SPTBN4: variants seen among roughly 807,000 people sequenced by gnomAD.
SPTBN4 encodes spectrin beta, non-erythrocytic 4.
A neutral mutation model predicts 277.8 loss-of-function variants in SPTBN4; 96 were observed. That is an observed-to-expected ratio of 0.35 (90% confidence interval 0.29 to 0.41). The LOEUF (loss-of-function observed/expected upper bound fraction) is 0.41. Among genes scored for constraint, SPTBN4 ranks in the 10% least tolerant of loss-of-function variants. SPTBN4 has a pLI of 1.00. For synonymous variants in SPTBN4, 1,481 were observed against 1,580.3 expected (o/e 0.94, Z 1.49); for missense variants, 3,006 against 3,595.7 (o/e 0.84, Z 4.19).
Position 40,513,018 on chromosome 19 carries a change from C to T in SPTBN4, c.2229C>T (p.Gly743=). 7.0e-7 allele frequency: 1 copy of T among 1,426,538 alleles called. No individual in the cohort carries two copies. The highest frequency in any genetic ancestry group is 9.1e-7 in the Non-Finnish European group (1 of 1,097,230). 88.4% of individuals were successfully genotyped at this position (1,426,538 alleles called of 1,614,324 possible). The change falls in exon 14 of 36, where the codon GGC becomes GGT. Residue 743 remains glycine (G), a synonymous_variant. Transcript: ENST00000598249. ...GPGADTVHLV[G]LAERAASARR... ...GAGCAGACACCGTGCACCTGGTAGG[C>T]CTGGCGGAGCGCGCGGCGAGCGCCC... is the stretch of plus-strand genomic sequence containing the variant.
rs1467778542 is a variant in SPTBN4 at position 40,519,816 on chromosome 19, G to T, written c.3319G>T (p.Ala1107Ser). The change falls in exon 16 of 36, where the codon GCC (alanine) becomes TCC (serine). Residue 1107 changes from alanine (A) to serine (S), a missense_variant. By Grantham distance (99) the Ala-to-Ser change is moderately conservative (BLOSUM62 1). This residue lies in a region of SPTBN4 where 1,759 missense variants were observed against 2,061.5 expected (regional missense o/e 0.85). Transcript: ENST00000598249. The surrounding 1 kb of genome is among the most constrained non-coding windows in gnomAD (Gnocchi z 5.7). ...LDAFLDWLVR[A>S]QEAAGGSEGP... is the part of the protein sequence containing the mutation. ...CGCTTTCCTGGACTGGCTCGTGCGC[G>T]CCCAGGAGGCGGCGGGCGGCAGCGA... is the stretch of plus-strand genomic sequence containing the variant. The T allele has an allele frequency of 1.4e-6, 2 of 1,433,280 alleles. No homozygotes were observed. Among genetic ancestry groups the T allele is most frequent in the African/African-American group, 3.0e-5 (2 of 66,358 alleles). 88.8% of individuals were successfully genotyped at this position (1,433,280 alleles called of 1,614,324 possible).
chr19:40,534,402 T>G, intron 20 of SPTBN4, 59 bp downstream of exon 20: 1 of 1,571,418 alleles, frequency 6.4e-7, no homozygotes, highest in Non-Finnish European at 8.6e-7. Flanking sequence ...CAGGTCAGGG[T>G]CCAACCCCAC....
intron 27 of SPTBN4, among the ~76,000 whole-genome samples, chr19:40,562,301 G>A (rs939548606): frequency 6.6e-6 from 1 of 152,026 alleles, no homozygotes; most frequent in Admixed American, 6.6e-5. Flanking sequence ...AGGCCAAGGC[G>A]GGTGGATCAC....
In SPTBN4 at chr19:40,570,645, G is replaced by T; in HGVS notation, c.7236G>T (p.Pro2412=). The T allele has an allele frequency of 6.6e-7, 1 of 1,513,888 alleles. No homozygotes were observed. Among genetic ancestry groups the T allele is most frequent in the East Asian group, 2.8e-5 (1 of 35,578 alleles). The allele number at this position is 1,513,888 out of a possible 1,614,324, so 93.8% of individuals were successfully genotyped here. A position where few individuals can be genotyped will look rare whatever the true frequency, so the allele number is the denominator to read the frequency against. ...AGGGCGGCTCCGCCCCCGCGCCTCC[G>T]CCACCGCCCACTCACACAGTGCAGC... ...PAQGGSAPAP[P]PPPTHTVQHE... Residue 2412 remains proline (P), a synonymous_variant, in exon 33 of 36, where the codon CCG becomes CCT. Transcript: ENST00000598249.
intron 27 of SPTBN4, among the ~76,000 whole-genome samples, chr19:40,564,174 T>G (rs1331885475): frequency 1.3e-5 from 2 of 150,516 alleles, no homozygotes; most frequent in East Asian, 4.0e-4. Flanking sequence ...GACAAACATG[T>G]TGAAACCCTG....
chr19:40,554,569 C>A lies in SPTBN4; in HGVS notation c.5007C>A (p.Gly1669=), dbSNP rs577842636. Residue 1669 remains glycine, a synonymous_variant, in exon 24 of 36, where the codon GGC becomes GGA. Coordinates refer to ENST00000598249, the MANE Select transcript of SPTBN4 (RefSeq NM_020971.3). This position sits in a 1 kb window ranked among gnomAD's most constrained non-coding sequence, Gnocchi z 5.7. ...AGAAACACCTGCAGCTGGAGCAAGG[C>A]GTGGAGAACTACGAGGAAAGCATCG... ...LLKKHLQLEQ[G]VENYEESIAQ... The A allele has an allele frequency of 7.9e-6, 12 of 1,523,612 alleles. No individual in the cohort carries two copies. Among genetic ancestry groups the A allele is most frequent in the Middle Eastern group, 1.7e-4 (1 of 5,736 alleles). 94.4% of individuals were successfully genotyped at this position (1,523,612 alleles called of 1,614,324 possible). A position where few individuals can be genotyped will look rare whatever the true frequency, so the allele number is the denominator to read the frequency against.
In SPTBN4 at chr19:40,490,054, C is replaced by A; in HGVS notation, c.322-21C>A. 1 of 1,588,136 alleles carries A rather than the reference C, an allele frequency of 6.3e-7. No individual in the cohort carries two copies. Among genetic ancestry groups the A allele is most frequent in the South Asian group, 1.1e-5 (1 of 88,192 alleles). On this transcript the variant is annotated intron_variant, in intron 3 of 35. Coordinates refer to ENST00000598249, the MANE Select transcript of SPTBN4 (RefSeq NM_020971.3). The surrounding 1 kb of genome is among the most constrained non-coding windows in gnomAD (Gnocchi z 4.3). ...CCTGTCTGTCCAGACCCCCGATCGC[C>A]CACCGCCCCTGTCGCCCTAGCCCAG...
At chr19:40,570,367 C>G (rs1240397119) in intron 32 of SPTBN4, 69 bp from the exon 33 acceptor site, 2 of 1,055,002 alleles carry the variant, frequency 1.9e-6, no homozygotes, top group African/African-American at 3.3e-5. Context: ...AGACCCATGA[C>G]TCCCCCAAAC....
Position 40,560,254 on chromosome 19 carries a change from G to A in SPTBN4, c.5766G>A (p.Gln1922=), listed in dbSNP as rs764497796. ...AIASREQEVL[Q]GWKELLSACE... is the part of the protein sequence containing the mutation. Reference sequence around the variant, plus strand: ...CTAGCCGGGAGCAGGAGGTGCTGCAGGGTTGGAAAGAGCTGCTGTCAGCCT... The same window carrying A: ...CTAGCCGGGAGCAGGAGGTGCTGCAAGGTTGGAAAGAGCTGCTGTCAGCCT... Residue 1922 remains glutamine, a synonymous_variant, in exon 27 of 36, where the codon CAG becomes CAA. Transcript: ENST00000598249. The surrounding 1 kb of genome is among the most constrained non-coding windows in gnomAD (Gnocchi z 5.2). 38 of 1,613,428 alleles carry A rather than the reference G, an allele frequency of 2.4e-5. No individual in the cohort carries two copies. Among genetic ancestry groups the A allele is most frequent in the Admixed American group, 3.3e-5 (2 of 60,012 alleles).
chr19:40,493,821 A>G (rs2080164901), intron 5 of SPTBN4, among the ~76,000 whole-genome samples: 1 of 152,204 alleles, frequency 6.6e-6, no homozygotes, highest in South Asian at 2.1e-4. Flanking sequence ...GAAAGAGGTG[A>G]ACTGTCCCCA....
rs2145959816 is a variant in SPTBN4 at position 40,570,539 on chromosome 19, G to C, written c.7130G>C (p.Arg2377Pro). ...CCGGACCGGCCCCGGGCGCGGGACC[G>C]GCCCAAGCCGCGACGGCGGCCGCGG... is the stretch of plus-strand genomic sequence containing the variant. ...PRPDRPRARD[R>P]PKPRRRPRPR... The change falls in exon 33 of 36, where the codon CGG (arginine) becomes CCG (proline). Residue 2377 changes from arginine to proline, a missense_variant. Physicochemically the swap from Arg to Pro is moderately radical, Grantham distance 103 (BLOSUM62 -2). This residue lies in a region of SPTBN4 where 630 missense variants were observed against 677.6 expected (regional missense o/e 0.93). Transcript: ENST00000598249. 7.4e-7 allele frequency: 1 copy of C among 1,359,078 alleles called. No individual in the cohort carries two copies. The highest frequency in any genetic ancestry group is 9.4e-7 in the Non-Finnish European group (1 of 1,061,756). The allele number at this position is 1,359,078 out of a possible 1,614,324, so 84.2% of individuals were successfully genotyped here.
intron 35 of SPTBN4, among the ~76,000 whole-genome samples, chr19:40,572,892 G>A (rs2081168238): frequency 6.6e-6 from 1 of 152,166 alleles, no homozygotes; most frequent in South Asian, 2.1e-4. Flanking sequence ...CTGGAAGGCG[G>A]AGGTTGCAGT....
At chr19:40,531,375 C>T (rs1622104) in intron 18 of SPTBN4, among the ~76,000 whole-genome samples, 1 of 143,384 alleles carries the variant, frequency 7.0e-6, no homozygotes, top group African/African-American at 2.6e-5. Context: ...GGGACATGGG[C>T]TGGGGTTTGG....
At chr19:40,548,813 C>G (rs1002231723) in intron 20 of SPTBN4, among the ~76,000 whole-genome samples, 2 of 152,066 alleles carry the variant, frequency 1.3e-5, no homozygotes, top group Non-Finnish European at 2.9e-5. Flanking sequence ...TTCTCTTGGC[C>G]TTGGTTTCCT....
At chr19:40,497,641 G>A (rs747286769) in intron 7 of SPTBN4, 37 bp downstream of exon 7, 2 of 1,556,832 alleles carry the variant, frequency 1.3e-6, no homozygotes, top group Admixed American at 3.3e-5. Flanking sequence ...ACTTCGTCTT[G>A]GGGGACTCCC....
At position 40,472,854 on chromosome 19, in the gene SPTBN4, C is replaced by T. The variant is rs145324108; in HGVS notation, c.169+64C>T. The stretch of plus-strand genomic sequence containing the variant: ...GGAAGGGGGAAGGGTGCCCGAGAAC[C>T]TTGGTGGCTGGGAGGGTGGGAAAAG... On this transcript the variant is annotated intron_variant, in intron 2 of 35. Coordinates refer to ENST00000598249, the MANE Select transcript of SPTBN4 (RefSeq NM_020971.3). 4.2e-4 allele frequency: 600 copies of T among 1,445,652 alleles called. 8 individuals are homozygous for T. In the East Asian group the frequency reaches 0.014, roughly 34 times the overall value. 89.6% of individuals were successfully genotyped at this position (1,445,652 alleles called of 1,614,324 possible). A position where few individuals can be genotyped will look rare whatever the true frequency, so the allele number is the denominator to read the frequency against.
At chr19:40,553,289 G>A (rs1451074032) in intron 22 of SPTBN4, among the ~76,000 whole-genome samples, 1 of 152,164 alleles carries the variant, frequency 6.6e-6, no homozygotes, top group Non-Finnish European at 1.5e-5. Context: ...AGACCAGCCT[G>A]AGTAACATAG....
intron 20 of SPTBN4, among the ~76,000 whole-genome samples, chr19:40,535,789 T>G (rs886825519): frequency 5.9e-5 from 9 of 151,688 alleles, no homozygotes; most frequent in Non-Finnish European, 1.3e-4. Context: ...ACAAAAAAAT[T>G]AGCTGGGCAT....
At position 40,534,093 on chromosome 19, in the gene SPTBN4, T is replaced by G; in HGVS notation, c.4109T>G (p.Leu1370Arg). 1 of 1,602,836 alleles carries G rather than the reference T, an allele frequency of 6.2e-7. No homozygotes were observed. Among genetic ancestry groups the G allele is most frequent in the Non-Finnish European group, 8.5e-7 (1 of 1,171,202 alleles). The change falls in exon 20 of 36, where the codon CTG (leucine) becomes CGG (arginine). Residue 1370 changes from leucine to arginine, a missense_variant. Around this residue, in one of 5 missense-constraint regions of SPTBN4, gnomAD observed 1,759 missense variants for 2,061.5 expected, o/e 0.85. Coordinates refer to ENST00000598249, the MANE Select transcript of SPTBN4 (RefSeq NM_020971.3). ...LEKIEREGQQ[L>R]MQEKPELAAS... ...CACTTGGGGCAGGAGGGCCAGCAAC[T>G]GATGCAGGAGAAGCCCGAACTGGCG... is the stretch of plus-strand genomic sequence containing the variant.
Sources: allele counts gnomAD v4.1 joint callset (sites outside exome capture counted in the v4.1 genomes callset), GRCh38; gene constraint gnomAD v4.1.1; regional missense constraint gnomAD v4.1.1; non-coding constraint Gnocchi (gnomAD v3.1); transcripts MANE v1.5; gene names NCBI Gene and HGNC (gene_info 2026-07-23, HGNC 2026-07-21).